The following CEP70 variants were observed in gnomAD, a reference collection of about 807,000 sequenced individuals.
The protein encoded by CEP70 is centrosomal protein of 70 kDa.
CEP70 carries 70 observed loss-of-function variants against 90.9 expected under a neutral mutation model. The observed-to-expected ratio is 0.77, with a 90% confidence interval of 0.64 to 0.94. The LOEUF (loss-of-function observed/expected upper bound fraction) is 0.94. Among genes scored for constraint, CEP70 ranks in the 40% least tolerant of loss-of-function variants. The probability of loss-of-function intolerance (pLI) is 0.00; values close to 1 mark genes in which losing one functional copy is unlikely to be tolerated. For synonymous variants in CEP70, 220 were observed against 228.3 expected (o/e 0.96, Z 0.33); for missense variants, 648 against 669.0 (o/e 0.97, Z 0.35).
chr3:138,512,631 C>A (rs1443448499), intron 11 of CEP70, among the ~76,000 whole-genome samples: 5 of 152,192 alleles, frequency 3.3e-5, no homozygotes, highest in African/African-American at 1.2e-4. Flanking sequence ...TCAACAGCAG[C>A]AACTATGTTT....
At chr3:138,529,165 A>AG in intron 10 of CEP70, 34 bp downstream of exon 10, 6 of 1,225,628 alleles carry the variant, frequency 4.9e-6, no homozygotes, top group South Asian at 1.4e-5. Flanking sequence ...ACCCTGTCTC[A>AG]GGAAAAAAAA....
chr3:138,528,121 T>C (rs1015582023), intron 10 of CEP70, among the ~76,000 whole-genome samples: 15 of 150,788 alleles, frequency 9.9e-5, no homozygotes, highest in Non-Finnish European at 5.9e-5. Context: ...CATGGCTCAC[T>C]GCAGCCCTGA....
At chr3:138,576,503 G>A (rs1409951558) in intron 2 of CEP70, among the ~76,000 whole-genome samples, 6 of 152,088 alleles carry the variant, frequency 3.9e-5, no homozygotes, top group Admixed American at 3.9e-4. Flanking sequence ...AATAATAATA[G>A]GAGACTTTAA....
chr3:138,563,112 T>G (rs558118776), intron 6 of CEP70, among the ~76,000 whole-genome samples: 2 of 152,096 alleles, frequency 1.3e-5, no homozygotes, highest in Non-Finnish European at 2.9e-5. Flanking sequence ...ACAAGGGCAT[T>G]GCATAATGGT....
chr3:138,502,027 C>G (rs1479570052), intron 13 of CEP70, among the ~76,000 whole-genome samples: 2 of 152,122 alleles, frequency 1.3e-5, no homozygotes, highest in Non-Finnish European at 2.9e-5. Flanking sequence ...GCGCTTGGTC[C>G]TTTAGAACAA....
At chr3:138,590,245 A>G (rs1000659507) in intron 2 of CEP70, among the ~76,000 whole-genome samples, 1 of 152,162 alleles carries the variant, frequency 6.6e-6, no homozygotes, top group African/African-American at 2.4e-5. Context: ...ATTTTCTCCT[A>G]TATTCTTGAG....
intron 2 of CEP70, among the ~76,000 whole-genome samples, chr3:138,577,036 T>A (rs1018878803): frequency 1.1e-4 from 16 of 147,808 alleles, no homozygotes; most frequent in African/African-American, 4.0e-4. Context: ...TGAGTTCATG[T>A]CCTTTGTAGG....
intron 2 of CEP70, among the ~76,000 whole-genome samples, chr3:138,575,759 G>A (rs547244792): frequency 3.2e-4 from 48 of 152,300 alleles, no homozygotes; most frequent in African/African-American, 8.4e-4. Flanking sequence ...TCTCTTGGCC[G>A]AAACCCTACA....
intron 6 of CEP70, among the ~76,000 whole-genome samples, chr3:138,540,017 A>T (rs1439505547): frequency 4.6e-5 from 7 of 152,210 alleles, no homozygotes; most frequent in African/African-American, 1.7e-4. Context: ...GTAACAAAGT[A>T]AATAGAAAAC....
chr3:138,519,209 A>G (rs1277365373), intron 11 of CEP70, among the ~76,000 whole-genome samples: 4 of 152,116 alleles, frequency 2.6e-5, no homozygotes, highest in Non-Finnish European at 5.9e-5. Flanking sequence ...CGTCTGATTG[A>G]TGTACCTGAA....
intron 7 of CEP70, among the ~76,000 whole-genome samples, chr3:138,535,715 G>A (rs988284794): frequency 6.6e-6 from 1 of 152,114 alleles, no homozygotes; most frequent in African/African-American, 2.4e-5. Context: ...TACATTGCAA[G>A]TTCTCTCAGT....
chr3:138,534,820 C>T (rs148644994), intron 7 of CEP70, among the ~76,000 whole-genome samples: 3 of 152,302 alleles, frequency 2.0e-5, no homozygotes, highest in Admixed American at 6.5e-5. Context: ...CTTCCCCGTT[C>T]CTTCAAATGT....
At chr3:138,530,531 C>T (rs2037719384) in intron 8 of CEP70, 5 of 962,658 alleles carry the variant, frequency 5.2e-6, no homozygotes, top group Admixed American at 6.2e-5. Context: ...CAAAAAACTT[C>T]GGACAACACT....
intron 6 of CEP70, among the ~76,000 whole-genome samples, chr3:138,561,009 G>A (rs1172700475): frequency 3.9e-5 from 6 of 152,128 alleles, no homozygotes; most frequent in Admixed American, 2.0e-4. Context: ...TAGCACGTTC[G>A]AGCAGCAGAT....
At chr3:138,570,946 G>T in intron 5 of CEP70, 88 bp downstream of exon 5, 1 of 1,101,826 alleles carries the variant, frequency 9.1e-7, no homozygotes, top group Non-Finnish European at 1.3e-6. Flanking sequence ...TAATCAAAAT[G>T]GGAAATTAAA....
At chr3:138,571,828 G>C (rs1488237204) in intron 3 of CEP70, among the ~76,000 whole-genome samples, 1 of 152,128 alleles carries the variant, frequency 6.6e-6, no homozygotes, top group African/African-American at 2.4e-5. Context: ...ACCTAGGCTG[G>C]AGTGCAGCGG....
In CEP70 at chr3:138,515,467, CA is replaced by C. The variant is rs145902706; in HGVS notation, c.945-6924del. Reference sequence around the variant, plus strand: ...ATCACCAACAAAAGGCATAGAAATGCAAAAAAAAAAAAAAAAAAAAAGTATC... The same window carrying C: ...ATCACCAACAAAAGGCATAGAAATGCAAAAAAAAAAAAAAAAAAAAGTATC... On this transcript the variant is annotated intron_variant, in intron 11 of 17. Transcript: ENST00000264982. Among the ~76,000 whole-genome samples, 251 of 65,404 alleles carry C rather than the reference CA, an allele frequency of 3.8e-3. 1 individual carries two copies. Among genetic ancestry groups the C allele is most frequent in the Middle Eastern group, 0.011 (1 of 88 alleles). The allele number at this position is 65,404 out of a possible 152,430, so 42.9% of individuals were successfully genotyped here. A position where few individuals can be genotyped will look rare whatever the true frequency, so the allele number is the denominator to read the frequency against.
At chr3:138,503,885 G>A (rs577730354) in intron 13 of CEP70, among the ~76,000 whole-genome samples, 6 of 152,186 alleles carry the variant, frequency 3.9e-5, no homozygotes, top group African/African-American at 1.2e-4. Context: ...TTCCTTTAAC[G>A]ATATAAATGA....
At chr3:138,573,778 T>C (rs2041337976) in intron 2 of CEP70, among the ~76,000 whole-genome samples, 1 of 152,196 alleles carries the variant, frequency 6.6e-6, no homozygotes, top group African/African-American at 2.4e-5. Flanking sequence ...GGAGTAACAG[T>C]GTTCTAAGTT....
Sources: allele counts gnomAD v4.1 joint callset (sites outside exome capture counted in the v4.1 genomes callset), GRCh38; gene constraint gnomAD v4.1.1; transcripts MANE v1.5; gene names NCBI Gene and HGNC (gene_info 2026-07-23, HGNC 2026-07-21).